ALK: variants seen among roughly 807,000 people sequenced by gnomAD.
ALK encodes the protein ALK receptor tyrosine kinase.
In ALK, 74 loss-of-function variants were observed where a neutral mutation model predicts 163.1. That is an observed-to-expected ratio of 0.45 (90% CI 0.38 to 0.55). ALK has a LOEUF of 0.55. Among genes scored for constraint, ALK ranks in the 20% least tolerant of loss-of-function variants. The pLI is 0.00. For missense variants in ALK, 2,063 were observed against 2,105.3 expected (o/e 0.98, Z 0.39); for synonymous variants, 960 against 843.2 (o/e 1.14, Z -2.40).
At chr2:29,500,142 TC>T (rs148422856) in intron 4 of ALK, among the ~76,000 whole-genome samples, 7,772 of 151,920 alleles carry the variant, frequency 0.051, 582 homozygotes, top group African/African-American at 0.17. Flanking sequence ...TGGATCTGTG[TC>T]CCCCACCCAA....
At position 29,328,404 on chromosome 2, in the gene ALK, C is replaced by T. The variant is rs755089158; in HGVS notation, c.1360G>A (p.Ala454Thr). 5 of 1,614,164 alleles carry T rather than the reference C, an allele frequency of 3.1e-6. No individual in the cohort carries two copies. Among genetic ancestry groups the T allele is most frequent in the African/African-American group, 1.3e-5 (1 of 75,040 alleles). Residue 454 changes from alanine (A) to threonine (T), a missense_variant, in exon 6 of 29, where the codon GCC becomes ACC. Transcript: ENST00000389048. Reference sequence around the variant, plus strand: ...GCACAGTCCTGGTGGAAGTCACAGGCCTGCCCAAGCTGGAGGACTGTCCCA... The same window carrying T: ...GCACAGTCCTGGTGGAAGTCACAGGTCTGCCCAAGCTGGAGGACTGTCCCA... ...WNGTVLQLGQACDFHQDCAQG... is the reference protein window; with the variant it reads ...WNGTVLQLGQTCDFHQDCAQG...
At chr2:29,526,723 G>A (rs1021090706) in intron 4 of ALK, among the ~76,000 whole-genome samples, 4 of 152,222 alleles carry the variant, frequency 2.6e-5, no homozygotes, top group Non-Finnish European at 4.4e-5. Flanking sequence ...TTTTGACCAT[G>A]GAGGCTGAAT....
intron 3 of ALK, among the ~76,000 whole-genome samples, chr2:29,585,858 A>G (rs1232268989): frequency 6.6e-6 from 1 of 152,004 alleles, no homozygotes; most frequent in African/African-American, 2.4e-5. Flanking sequence ...TCAAGTTTTT[A>G]ATTATTATCC....
chr2:29,788,607 T>C (rs1205380792), intron 1 of ALK, among the ~76,000 whole-genome samples: 1 of 152,182 alleles, frequency 6.6e-6, no homozygotes, highest in Non-Finnish European at 1.5e-5. Flanking sequence ...CGATGCAGAC[T>C]GAATTTCTGG....
chr2:29,776,562 G>T (rs1477104834), intron 1 of ALK, among the ~76,000 whole-genome samples: 1 of 152,184 alleles, frequency 6.6e-6, no homozygotes, highest in Non-Finnish European at 1.5e-5. Context: ...TGAATGTATA[G>T]TTAGCTTATT....
intron 23 of ALK, among the ~76,000 whole-genome samples, chr2:29,215,664 G>A (rs541211830): frequency 1.3e-5 from 2 of 149,002 alleles, no homozygotes; most frequent in South Asian, 2.2e-4. Flanking sequence ...GATCCAAGGA[G>A]TTAAAATGGA....
chr2:29,708,917 G>T (rs553602684), intron 2 of ALK, among the ~76,000 whole-genome samples: 1 of 152,278 alleles, frequency 6.6e-6, no homozygotes, highest in East Asian at 1.9e-4. Flanking sequence ...ACCCAAATGG[G>T]CTGGTTCAAG....
chr2:29,579,960 G>T (rs778831241), intron 3 of ALK, among the ~76,000 whole-genome samples: 2 of 152,068 alleles, frequency 1.3e-5, no homozygotes, highest in Non-Finnish European at 2.9e-5. Flanking sequence ...TTATGCTGGG[G>T]TTGGGCTGAG....
At chr2:29,594,719 A>G (rs1675154512) in intron 3 of ALK, among the ~76,000 whole-genome samples, 1 of 151,400 alleles carries the variant, frequency 6.6e-6, no homozygotes, top group Non-Finnish European at 1.5e-5. Flanking sequence ...GAGCCACTGC[A>G]CCCAGCCAAG....
intron 3 of ALK, among the ~76,000 whole-genome samples, chr2:29,615,695 T>A (rs1390984750): frequency 6.6e-6 from 1 of 152,226 alleles, no homozygotes; most frequent in South Asian, 2.1e-4. Context: ...ATCTTTGCAC[T>A]TTTCTTCTAA....
intron 3 of ALK, among the ~76,000 whole-genome samples, chr2:29,620,132 G>A (rs573265105): frequency 6.6e-6 from 1 of 152,318 alleles, no homozygotes; most frequent in Admixed American, 6.5e-5. Context: ...CTTTGTATGA[G>A]TTTGTTAGGG....
At chr2:29,321,069 C>T (rs1168143378) in intron 6 of ALK, among the ~76,000 whole-genome samples, 187 bp from the exon 7 acceptor site, 2 of 152,134 alleles carry the variant, frequency 1.3e-5, no homozygotes, top group African/African-American at 4.8e-5. Context: ...TAACTGATGC[C>T]CGTGCTGGTT....
At chr2:29,295,243 ACT>A (rs777077919) in intron 9 of ALK, among the ~76,000 whole-genome samples, 1 of 151,970 alleles carries the variant, frequency 6.6e-6, no homozygotes, top group Non-Finnish European at 1.5e-5. Flanking sequence ...TTCAAATGAA[ACT>A]CTAGAGGATG....
At chr2:29,821,163 A>G (rs1665037662) in intron 1 of ALK, among the ~76,000 whole-genome samples, 1 of 152,078 alleles carries the variant, frequency 6.6e-6, no homozygotes, top group African/African-American at 2.4e-5. Context: ...CTGTTTTCCC[A>G]CCCACTGTTG....
chr2:29,645,171 T>C (rs923598677), intron 3 of ALK, among the ~76,000 whole-genome samples: 1 of 152,130 alleles, frequency 6.6e-6, no homozygotes, highest in African/African-American at 2.4e-5. Flanking sequence ...AGTGCATCTA[T>C]GAGAAAGGTG....
intron 5 of ALK, among the ~76,000 whole-genome samples, chr2:29,350,441 C>A (rs139512706): frequency 5.6e-4 from 86 of 152,296 alleles, no homozygotes; most frequent in African/African-American, 1.9e-3. Flanking sequence ...ATGTGGAGAT[C>A]CTGGGAAGAT....
intron 4 of ALK, among the ~76,000 whole-genome samples, chr2:29,409,470 G>A (rs1669675309): frequency 6.6e-6 from 1 of 152,094 alleles, no homozygotes; most frequent in Non-Finnish European, 1.5e-5. Context: ...AACCATTTCT[G>A]CCTGGATGCC....
chr2:29,788,855 T>C (rs548940933), intron 1 of ALK, among the ~76,000 whole-genome samples: 84 of 152,340 alleles, frequency 5.5e-4, no homozygotes, highest in Non-Finnish European at 1.1e-3. Context: ...CAGAGCTTTA[T>C]GGTTTTTGTT....
intron 1 of ALK, among the ~76,000 whole-genome samples, chr2:29,757,088 G>A (rs1356238931): frequency 6.6e-6 from 1 of 152,224 alleles, no homozygotes; most frequent in African/African-American, 2.4e-5. Flanking sequence ...GAGGCAGTGA[G>A]CTCTGTAGGC....
Sources: gnomAD v4.1 joint callset for allele counts (sites outside exome capture counted in the v4.1 genomes callset) on GRCh38, gnomAD v4.1.1 for gene constraint, MANE v1.5 for transcripts, NCBI Gene and HGNC (gene_info 2026-07-23, HGNC 2026-07-21) for gene names.